TBL3: variants seen among roughly 807,000 people sequenced by gnomAD.
The protein encoded by TBL3 is transducin beta like 3.
Under a neutral mutation model 102.7 loss-of-function variants are expected in TBL3, and 71 were observed. The observed-to-expected ratio is 0.69, with a 90% CI of 0.57 to 0.84. The LOEUF is 0.84. Among genes scored for constraint, TBL3 ranks in the 40% least tolerant of loss-of-function variants. The probability of loss-of-function intolerance (pLI) is 0.00; values close to 1 mark genes in which losing one functional copy is unlikely to be tolerated. For missense variants in TBL3, 1,188 were observed against 1,098.5 expected (o/e 1.08, Z -1.15); for synonymous variants, 578 against 477.7 (o/e 1.21, Z -2.74).
At position 1,978,316 on chromosome 16, in the gene TBL3, C is replaced by A. The variant is rs781037419; in HGVS notation, c.2138C>A (p.Ala713Asp). ...ATGAGGGTCCTGTTGCCCACAGAGG[C>A]CCTGCTGCGCTTCTGCGTCACGTGG... ...MLRLRRDQKE[A>D]LLRFCVTWNT... Residue 713 changes from alanine (A) to aspartate (D), a missense_variant, in exon 21 of 22, where the codon GCC (alanine) becomes GAC (aspartate). By Grantham distance (126) the Ala-to-Asp change is moderately radical. Transcript: ENST00000568546. 6.2e-7 allele frequency: 1 copy of A among 1,609,406 alleles called. No individual in the cohort carries two copies. The highest frequency in any genetic ancestry group is 1.3e-5 in the African/African-American group (1 of 75,020).
At position 1,981,596 on chromosome 16, in the gene TBL3, C is replaced by G. The variant is rs563352852; in HGVS notation, c.*2911C>G. On this transcript the variant is annotated 3_prime_UTR_variant, in exon 22 of 22. Transcript: ENST00000568546. ...CCTGTCCTGCCCACCTCTCTGGATTCCCCTACCCTGTGAGGTAATTGCCCT... is the reference window on the plus strand; with the variant it reads ...CCTGTCCTGCCCACCTCTCTGGATTGCCCTACCCTGTGAGGTAATTGCCCT... 28 of 213,762 alleles carry G rather than the reference C, an allele frequency of 1.3e-4. No individual in the cohort carries two copies. In the South Asian group the frequency reaches 2.4e-3, roughly 18 times the overall value. 13.2% of individuals were successfully genotyped at this position (213,762 alleles called of 1,614,324 possible).
rs773408732 is a variant in TBL3 at position 1,978,333 on chromosome 16, G to A, written c.2155G>A (p.Val719Ile). Residue 719 changes from valine to isoleucine, a missense_variant, in exon 21 of 22, where the codon GTC becomes ATC. Transcript: ENST00000568546. ...DQKEALLRFCVTWNTNSRHCH... is the reference protein window; with the variant it reads ...DQKEALLRFCITWNTNSRHCH... ...CACAGAGGCCCTGCTGCGCTTCTGC[G>A]TCACGTGGAACACCAACTCGCGGCA... 4.2e-5 allele frequency: 68 copies of A among 1,610,330 alleles called. No homozygotes were observed. Among genetic ancestry groups the A allele is most frequent in the Middle Eastern group, 1.6e-4 (1 of 6,066 alleles).
At position 1,980,487 on chromosome 16, in the gene TBL3, A is replaced by G. The variant is rs769761978; in HGVS notation, c.*1802A>G. On this transcript the variant is annotated 3_prime_UTR_variant, in exon 22 of 22. Coordinates refer to ENST00000568546, the MANE Select transcript of TBL3 (RefSeq NM_006453.3). The stretch of plus-strand genomic sequence containing the variant: ...CAGCCTCCGAGAATAGGTTTCCAAC[A>G]GCTGCAGGCGCGCCAGGCCGCGGCT... The G allele has an allele frequency of 3.9e-5, 62 of 1,602,622 alleles. No homozygotes were observed. The highest frequency in any genetic ancestry group is 5.3e-5 in the Non-Finnish European group (62 of 1,179,626).
rs913785443 is a variant in TBL3 at position 1,979,268 on chromosome 16, G to A, written c.*583G>A. On this transcript the variant is annotated 3_prime_UTR_variant, in exon 22 of 22. Transcript: ENST00000568546. ...CACCCGCCGGGTCGTCTCCTCCACG[G>A]AACCCCGTCCCGCTCAGGAGAGCGC... 5.8e-6 allele frequency: 9 copies of A among 1,542,252 alleles called. No homozygotes were observed. In the African/African-American group the frequency reaches 9.7e-5, roughly 17 times the overall value.
chr16:1,979,356 G>C lies in TBL3; in HGVS notation c.*671G>C, dbSNP rs1277643317. 1.3e-6 allele frequency: 2 copies of C among 1,583,120 alleles called. No homozygotes were observed. The highest frequency in any genetic ancestry group is 2.3e-5 in the South Asian group (2 of 88,736). On this transcript the variant is annotated 3_prime_UTR_variant, in exon 22 of 22. Coordinates refer to ENST00000568546, the MANE Select transcript of TBL3 (RefSeq NM_006453.3). ...GCCCGCCCGGTCGCCGTACCTGCGA[G>C]GGGCGGGGTGTGGTTAGGGCCCCGC...
At chr16:1,977,918 A>G in intron 18 of TBL3, 40 bp from the exon 19 acceptor site, 1 of 1,590,928 alleles carries the variant, frequency 6.3e-7, no homozygotes, top group Non-Finnish European at 8.6e-7. Flanking sequence ...CTGCAGCCCC[A>G]GCCAGCGGCC....
At position 1,979,432 on chromosome 16, in the gene TBL3, G is replaced by A. The variant is rs756925016; in HGVS notation, c.*747G>A. The A allele has an allele frequency of 6.8e-6, 11 of 1,608,906 alleles. No individual in the cohort carries two copies. Among genetic ancestry groups the A allele is most frequent in the African/African-American group, 1.3e-5 (1 of 74,894 alleles). On this transcript the variant is annotated 3_prime_UTR_variant, in exon 22 of 22. Coordinates refer to ENST00000568546, the MANE Select transcript of TBL3 (RefSeq NM_006453.3). ...ACGCCCGCTCCCGCGTACCTGCATA[G>A]CCACCAGCCGCGGTCTGACGTTTCC...
Position 1,975,964 on chromosome 16 carries a change from C to T in TBL3, c.1129+15C>T. 2.5e-6 allele frequency: 4 copies of T among 1,614,106 alleles called. No homozygotes were observed. The highest frequency in any genetic ancestry group is 3.4e-6 in the Non-Finnish European group (4 of 1,179,968). ...CGGCCACACGGGTGAGTGGGGCCAG[C>T]CCACCTGACACCCTGGGAGCCGCCT... On this transcript the variant is annotated intron_variant, in intron 11 of 21. Transcript: ENST00000568546.
In TBL3 at chr16:1,975,924, C is replaced by T; in HGVS notation, c.1104C>T (p.Ala368=). ...CLKVFELQTS[A]CQILHGHTDI... ...AAGTGTTTGAGCTGCAGACGTCAGCCTGCCAGATCCTCCACGGCCACACGG... is the reference window on the plus strand; with the variant it reads ...AAGTGTTTGAGCTGCAGACGTCAGCTTGCCAGATCCTCCACGGCCACACGG... The change falls in exon 11 of 22, where the codon GCC becomes GCT. Residue 368 remains alanine, a synonymous_variant. Transcript: ENST00000568546. 1 of 1,614,150 alleles carries T rather than the reference C, an allele frequency of 6.2e-7. No individual in the cohort carries two copies. The highest frequency in any genetic ancestry group is 8.5e-7 in the Non-Finnish European group (1 of 1,180,032).
rs2083494138 is a variant in TBL3, at chr16:1,980,863, TGGG to T, written c.*2179_*2181del. 18 of 1,133,156 alleles carry T rather than the reference TGGG, an allele frequency of 1.6e-5. No individual in the cohort carries two copies. The Admixed American group carries it at 4.6e-4, about 29-fold the overall frequency. The allele number at this position is 1,133,156 out of a possible 1,614,324, so 70.2% of individuals were successfully genotyped here. A position where few individuals can be genotyped will look rare whatever the true frequency, so the allele number is the denominator to read the frequency against. ...AAGGGCCTCCAGTGGGAGTCACTGATGGGAGGCAGTCCAGTGGGAGGCAGCCGC... is the reference window on the plus strand; with the variant it reads ...AAGGGCCTCCAGTGGGAGTCACTGATAGGCAGTCCAGTGGGAGGCAGCCGC... On this transcript the variant is annotated 3_prime_UTR_variant, in exon 22 of 22. Coordinates refer to ENST00000568546, the MANE Select transcript of TBL3 (RefSeq NM_006453.3).
At position 1,978,395 on chromosome 16, in the gene TBL3, G is replaced by A. The variant is rs1261242831; in HGVS notation, c.2217G>A (p.Leu739=). 4 of 1,611,632 alleles carry A rather than the reference G, an allele frequency of 2.5e-6. No individual in the cohort carries two copies. In the East Asian group the frequency reaches 8.9e-5, roughly 36 times the overall value. The stretch of plus-strand genomic sequence containing the variant: ...CCCAGGCCGTGCTGGGTGTGCTCTT[G>A]AGGCGAGAGGCCCCCGAGGAGCTGC... ...HEAQAVLGVL[L]RREAPEELLA... The change falls in exon 21 of 22, where the codon TTG becomes TTA. Residue 739 remains leucine (L), a synonymous_variant. Coordinates refer to ENST00000568546, the MANE Select transcript of TBL3 (RefSeq NM_006453.3).
Position 1,981,046 on chromosome 16 carries a change from G to A in TBL3, c.*2361G>A, listed in dbSNP as rs751426806. ...TGGGGGACAAAAAGTTGGGAGTGCC[G>A]TGGAGGTGCTGGTCCAGGCACCCCC... On this transcript the variant is annotated 3_prime_UTR_variant, in exon 22 of 22. Transcript: ENST00000568546. The A allele has an allele frequency of 4.3e-6, 7 of 1,611,278 alleles. No individual in the cohort carries two copies. The highest frequency in any genetic ancestry group is 3.3e-5 in the South Asian group (3 of 91,060).
chr16:1,978,808 G>C lies in TBL3; in HGVS notation c.*123G>C, dbSNP rs564461915. The C allele has an allele frequency of 4.8e-4, 650 of 1,341,192 alleles. 5 individuals are homozygous for C. The African/African-American group carries it at 8.2e-3, about 17-fold the overall frequency. 83.1% of individuals were successfully genotyped at this position (1,341,192 alleles called of 1,614,324 possible). A position where few individuals can be genotyped will look rare whatever the true frequency, so the allele number is the denominator to read the frequency against. On this transcript the variant is annotated 3_prime_UTR_variant, in exon 22 of 22. Transcript: ENST00000568546. ...CCCACCCTGGCCAACACCCTACCTA[G>C]CCAGCCAGAAGGGCACTGGAGCTGA...
rs1457374675 is a variant in TBL3 at position 1,978,384 on chromosome 16, G to C, written c.2206G>C (p.Gly736Arg). Residue 736 changes from glycine (G) to arginine (R), a missense_variant, in exon 21 of 22, where the codon GGT (glycine) becomes CGT (arginine). By Grantham distance (125) the Gly-to-Arg change is moderately radical. Coordinates refer to ENST00000568546, the MANE Select transcript of TBL3 (RefSeq NM_006453.3). ...RHCHEAQAVL[G>R]VLLRREAPEE... The stretch of plus-strand genomic sequence containing the variant: ...CTGCCACGAGGCCCAGGCCGTGCTG[G>C]GTGTGCTCTTGAGGCGAGAGGCCCC... 1 of 1,611,404 alleles carries C rather than the reference G, an allele frequency of 6.2e-7. No homozygotes were observed. Among genetic ancestry groups the C allele is most frequent in the African/African-American group, 1.3e-5 (1 of 74,888 alleles).
chr16:1,974,717 T>C, intron 5 of TBL3, 38 bp downstream of exon 5: 1 of 1,612,126 alleles, frequency 6.2e-7, no homozygotes, highest in East Asian at 2.2e-5. Flanking sequence ...TGGGCACAGA[T>C]GCAGGGGCTT....
In TBL3 at chr16:1,980,850, T is replaced by C; in HGVS notation, c.*2165T>C. On this transcript the variant is annotated 3_prime_UTR_variant, in exon 22 of 22. Transcript: ENST00000568546. ...TTCAGCAGGGACGAAGGGCCTCCAG[T>C]GGGAGTCACTGATGGGAGGCAGTCC... is the stretch of plus-strand genomic sequence containing the variant. The C allele has an allele frequency of 6.8e-7, 1 of 1,461,478 alleles. No individual in the cohort carries two copies. Among genetic ancestry groups the C allele is most frequent in the Admixed American group, 1.8e-5 (1 of 54,254 alleles). 90.5% of individuals were successfully genotyped at this position (1,461,478 alleles called of 1,614,324 possible).
chr16:1,976,242 A>G lies in TBL3; in HGVS notation c.1220A>G (p.Lys407Arg), dbSNP rs745653251. Residue 407 changes from lysine (K) to arginine (R), a missense_variant, in exon 13 of 22, where the codon AAG becomes AGG. Coordinates refer to ENST00000568546, the MANE Select transcript of TBL3 (RefSeq NM_006453.3). ...DQSVRIWRMN[K>R]AGQVMCVAQG... ...AGCGTCCGTATCTGGAGAATGAACAAGGCTGGCCAGGTGATGTGCGTGGCT... is the reference window on the plus strand; with the variant it reads ...AGCGTCCGTATCTGGAGAATGAACAGGGCTGGCCAGGTGATGTGCGTGGCT... 5.6e-6 allele frequency: 9 copies of G among 1,614,064 alleles called. No homozygotes were observed. The highest frequency in any genetic ancestry group is 7.6e-6 in the Non-Finnish European group (9 of 1,180,044).
intron 1 of TBL3, among the ~76,000 whole-genome samples, chr16:1,972,814 C>T (rs1335417562): frequency 6.6e-6 from 1 of 152,126 alleles, no homozygotes; most frequent in Non-Finnish European, 1.5e-5. Flanking sequence ...GCAGCACCGT[C>T]GTGGGAGGGT....
intron 1 of TBL3, among the ~76,000 whole-genome samples, chr16:1,972,512 G>C (rs1006484378): frequency 6.6e-6 from 1 of 152,212 alleles, no homozygotes; most frequent in African/African-American, 2.4e-5. Flanking sequence ...AGCCTAGGTC[G>C]GGGCTGGTCC....
Sources: gnomAD v4.1 joint callset for allele counts (sites outside exome capture counted in the v4.1 genomes callset) on GRCh38, gnomAD v4.1.1 for gene constraint, MANE v1.5 for transcripts, NCBI Gene and HGNC (gene_info 2026-07-23, HGNC 2026-07-21) for gene names.